CRTAC1: variants seen among roughly 807,000 people sequenced by gnomAD.
The protein encoded by CRTAC1 is cartilage acidic protein 1, also known as acidic secreted protein in cartilage.
CRTAC1 carries 37 observed loss-of-function variants against 67.8 expected under a neutral mutation model. That is an observed-to-expected ratio of 0.55 (90% CI 0.42 to 0.72). CRTAC1 has a LOEUF of 0.72. CRTAC1 is among the 30% of genes least tolerant of loss of function. The pLI, the probability that CRTAC1 is intolerant of heterozygous loss-of-function variation, is 0.00. For missense variants in CRTAC1, 780 were observed against 931.6 expected (o/e 0.84, Z 2.12); for synonymous variants, 348 against 371.0 (o/e 0.94, Z 0.71).
chr10:97,973,289 G>A (rs1157719077), intron 2 of CRTAC1, among the ~76,000 whole-genome samples: 1 of 152,042 alleles, frequency 6.6e-6, no homozygotes, highest in African/African-American at 2.4e-5. Context: ...GTTCAGCCTT[G>A]TCTCCGTCCC....
intron 11 of CRTAC1, among the ~76,000 whole-genome samples, chr10:97,888,763 G>A (rs1296686874): frequency 6.6e-6 from 1 of 152,128 alleles, no homozygotes. Context: ...GGTCCTGCCA[G>A]GCCTGTGTAT....
Position 97,895,908 on chromosome 10 carries a change from G to A in CRTAC1, c.1294C>T (p.Leu432=). 6.2e-7 allele frequency: 1 copy of A among 1,613,576 alleles called. No individual in the cohort carries two copies. The highest frequency in any genetic ancestry group is 1.1e-5 in the South Asian group (1 of 91,060). ...ACCTGATTGCCCCGGAAGACGGACA[G>A]CGGCTGAGCCATGGACTCTCCATGG... ...LSHGESMAQP[L]SVFRGNQGFN... The change falls in exon 10 of 15, where the codon CTG becomes TTG. Residue 432 remains leucine, a synonymous_variant. Transcript: ENST00000370597. This position sits in a 1 kb window ranked among gnomAD's most constrained non-coding sequence, Gnocchi z 4.2.
chr10:97,983,195 G>T (rs753868169), intron 2 of CRTAC1, among the ~76,000 whole-genome samples: 21 of 152,232 alleles, frequency 1.4e-4, no homozygotes, highest in Non-Finnish European at 2.4e-4. Context: ...ACTCTCCTCA[G>T]TTACCAGGGA....
rs1020913673 is a variant in CRTAC1 at position 98,029,585 on chromosome 10, C to T, written c.24+864G>A. Among the ~76,000 whole-genome samples, 2 of 151,780 alleles carry T rather than the reference C, an allele frequency of 1.3e-5. No homozygotes were observed. Among genetic ancestry groups the T allele is most frequent in the African/African-American group, 2.4e-5 (1 of 41,294 alleles). ...GAGGAAGCCCCCCCAGCTCTCAACC[C>T]TAGGAGAATTTCCCCGCCACTCTGG... On this transcript the variant is annotated intron_variant, in intron 1 of 14. Coordinates refer to ENST00000370597, the MANE Select transcript of CRTAC1 (RefSeq NM_018058.7). The surrounding 1 kb of genome is among the most constrained non-coding windows in gnomAD (Gnocchi z 4.7).
At chr10:97,876,990 T>C (rs1402025700) in intron 14 of CRTAC1, among the ~76,000 whole-genome samples, 1 of 140,388 alleles carries the variant, frequency 7.1e-6, no homozygotes, top group African/African-American at 2.7e-5. Context: ...GGGTAGGTAA[T>C]GTTGAGTGGG....
intron 3 of CRTAC1, among the ~76,000 whole-genome samples, chr10:97,931,033 A>G (rs943990288): frequency 1.3e-5 from 2 of 152,248 alleles, no homozygotes; most frequent in Non-Finnish European, 2.9e-5. Flanking sequence ...GAAAAGACCA[A>G]TAATCAATAC....
chr10:97,990,364 G>C (rs917267074), intron 2 of CRTAC1, among the ~76,000 whole-genome samples: 5 of 152,136 alleles, frequency 3.3e-5, no homozygotes, highest in African/African-American at 1.2e-4. Context: ...TGGTCTTTTT[G>C]TCCTTCCTTT....
At chr10:98,023,329 G>C (rs539437966) in intron 1 of CRTAC1, among the ~76,000 whole-genome samples, 81 of 152,246 alleles carry the variant, frequency 5.3e-4, no homozygotes, top group Middle Eastern at 6.8e-3. Flanking sequence ...GATGGAAGGC[G>C]GGTTTGGAGA....
Position 97,904,771 on chromosome 10 carries a change from A to G in CRTAC1, c.894T>C (p.Ala298=). The G allele has an allele frequency of 6.2e-7, 1 of 1,605,834 alleles. No homozygotes were observed. Residue 298 remains alanine (A), a synonymous_variant, in exon 7 of 15, where the codon GCT becomes GCC. Transcript: ENST00000370597. ...CCACTTTGCCATCACGGTTGAAGTC[A>G]GCCAGGGCGACACCTCGCCCATGCT... The part of the protein sequence containing the change: ...PHQHGRGVAL[A]DFNRDGKVDI...
At chr10:97,988,612 C>T (rs193081780) in intron 2 of CRTAC1, among the ~76,000 whole-genome samples, 4 of 152,220 alleles carry the variant, frequency 2.6e-5, no homozygotes, top group Admixed American at 1.3e-4. Context: ...CCCAACTACT[C>T]GGGAGGCTGA....
At chr10:98,025,009 G>A (rs188179984) in intron 1 of CRTAC1, among the ~76,000 whole-genome samples, 275 of 152,086 alleles carry the variant, frequency 1.8e-3, no homozygotes, top group Middle Eastern at 6.8e-3. Flanking sequence ...AACTCTGGGG[G>A]AATCTGGGTA....
intron 11 of CRTAC1, among the ~76,000 whole-genome samples, chr10:97,886,852 C>T (rs1217259850): frequency 2.6e-5 from 4 of 151,922 alleles, no homozygotes; most frequent in African/African-American, 9.7e-5. Flanking sequence ...GCCATGCTGG[C>T]CAGGCTGATC....
At chr10:97,970,814 A>G (rs540350564) in intron 2 of CRTAC1, among the ~76,000 whole-genome samples, 22 of 152,378 alleles carry the variant, frequency 1.4e-4, no homozygotes, top group Admixed American at 1.2e-3. Context: ...AGTGCCTGAC[A>G]CAGACGGGCA....
chr10:97,939,195 T>C (rs7088422), intron 2 of CRTAC1, among the ~76,000 whole-genome samples: 4,433 of 152,242 alleles, frequency 0.029, 213 homozygotes, highest in African/African-American at 0.097. Context: ...CCTCACATAT[T>C]GGAGTCCAGT....
At position 97,895,322 on chromosome 10, in the gene CRTAC1, CTCT is replaced by C. The variant is rs750021763; in HGVS notation, c.1406_1408del (p.Lys469del). The C allele has an allele frequency of 9.3e-6, 15 of 1,613,968 alleles. No individual in the cohort carries two copies. The highest frequency in any genetic ancestry group is 1.7e-5 in the Admixed American group (1 of 60,018). On this transcript the variant is annotated inframe_deletion, in exon 11 of 15. Transcript: ENST00000370597. This position sits in a 1 kb window ranked among gnomAD's most constrained non-coding sequence, Gnocchi z 4.2. ...GTCGATGATCCTCAGGTGGGCCCCA[CTCT>C]TCTTGGTGTAGAGCACGACCTTAGC...
At chr10:98,006,064 T>C (rs1305571328) in intron 2 of CRTAC1, among the ~76,000 whole-genome samples, 1 of 152,220 alleles carries the variant, frequency 6.6e-6, no homozygotes, top group Non-Finnish European at 1.5e-5. Context: ...CTACAGTCTT[T>C]CCATTTGAGC....
At chr10:97,990,555 G>C (rs1441577182) in intron 2 of CRTAC1, among the ~76,000 whole-genome samples, 1 of 152,154 alleles carries the variant, frequency 6.6e-6, no homozygotes, top group East Asian at 1.9e-4. Flanking sequence ...ATGGACAGTG[G>C]GGATGAGAAA....
At chr10:97,996,919 G>C (rs1278556373) in intron 2 of CRTAC1, among the ~76,000 whole-genome samples, 1 of 151,778 alleles carries the variant, frequency 6.6e-6, no homozygotes, top group Non-Finnish European at 1.5e-5. Context: ...AAAATGATGA[G>C]TTCATGTCCT....
intron 1 of CRTAC1, among the ~76,000 whole-genome samples, chr10:98,018,447 T>G (rs1843047228): frequency 1.3e-5 from 2 of 152,120 alleles, no homozygotes; most frequent in African/African-American, 4.8e-5. Context: ...GGCAGCCAAC[T>G]TGCACGTTCC....
Sources: allele counts gnomAD v4.1 joint callset (sites outside exome capture counted in the v4.1 genomes callset), GRCh38; gene constraint gnomAD v4.1.1; non-coding constraint Gnocchi (gnomAD v3.1); transcripts MANE v1.5; gene names NCBI Gene and HGNC (gene_info 2026-07-23, HGNC 2026-07-21).